Variants in KATNIP observed in about 807,000 individuals in gnomAD.
KATNIP encodes katanin interacting protein.
In KATNIP, 126 loss-of-function variants were observed where a neutral mutation model predicts 174.0. That is an observed-to-expected ratio of 0.72 (90% CI 0.63 to 0.84). KATNIP has a LOEUF of 0.84. Among genes scored for constraint, KATNIP ranks in the 40% least tolerant of loss-of-function variants. The pLI is 0.00. For synonymous variants in KATNIP, 810 were observed against 835.7 expected (o/e 0.97, Z 0.53); for missense variants, 1,958 against 2,109.7 (o/e 0.93, Z 1.41).
chr16:27,574,558 C>CTTTTT (rs10708223), intron 2 of KATNIP, among the ~76,000 whole-genome samples: 327 of 53,484 alleles, frequency 6.1e-3, no homozygotes, highest in Non-Finnish European at 6.6e-3. Context: ...ACTTTCTATT[C>CTTTTT]TTTTTTTTTT....
chr16:27,709,720 A>G (rs2079487397), intron 13 of KATNIP, among the ~76,000 whole-genome samples: 1 of 152,156 alleles, frequency 6.6e-6, no homozygotes, highest in African/African-American at 2.4e-5. Context: ...TGGTGCTGGC[A>G]GAGGCCCCAG....
intron 6 of KATNIP, among the ~76,000 whole-genome samples, chr16:27,659,373 G>A (rs1253164029): frequency 6.6e-6 from 1 of 151,976 alleles, no homozygotes; most frequent in Non-Finnish European, 1.5e-5. Flanking sequence ...AGCTGGGCAT[G>A]CTAATCTGCA....
intron 13 of KATNIP, among the ~76,000 whole-genome samples, chr16:27,720,208 C>G (rs528130134): frequency 1.3e-5 from 2 of 151,956 alleles, no homozygotes; most frequent in Non-Finnish European, 2.9e-5. Flanking sequence ...CTCCTGCCTC[C>G]GCCTCCTGAG....
chr16:27,560,391 C>G (rs541405707), intron 1 of KATNIP, among the ~76,000 whole-genome samples: 92 of 152,072 alleles, frequency 6.0e-4, no homozygotes, highest in African/African-American at 2.0e-3. Flanking sequence ...TCACGTAGCT[C>G]TGGTCCTCTA....
chr16:27,728,824 G>A (rs2080550248), intron 14 of KATNIP, among the ~76,000 whole-genome samples: 1 of 152,234 alleles, frequency 6.6e-6, no homozygotes, highest in Admixed American at 6.5e-5. Flanking sequence ...CTCAGAGCCA[G>A]CATGGAAGCT....
intron 2 of KATNIP, among the ~76,000 whole-genome samples, chr16:27,617,477 G>A (rs2076074733): frequency 6.6e-6 from 1 of 152,206 alleles, no homozygotes; most frequent in African/African-American, 2.4e-5. Context: ...GAAGCCCTAT[G>A]TTGATTGGCA....
Position 27,612,653 on chromosome 16 carries a change from G to A in KATNIP, c.64-5772G>A, listed in dbSNP as rs556998782. On this transcript the variant is annotated intron_variant, in intron 2 of 27. Transcript: ENST00000261588. Reference sequence around the variant, plus strand: ...GCATGCCTGTAATCCCAGCTACTTGGGAGGCCAAGACAGGAGAATCGCTTG... The same window carrying A: ...GCATGCCTGTAATCCCAGCTACTTGAGAGGCCAAGACAGGAGAATCGCTTG... Among the ~76,000 whole-genome samples, 74 of 152,024 alleles carry A rather than the reference G, an allele frequency of 4.9e-4. 1 individual carries two copies. The highest frequency in any genetic ancestry group is 1.0e-3 in the Admixed American group (16 of 15,250).
intron 13 of KATNIP, among the ~76,000 whole-genome samples, chr16:27,715,288 T>A (rs2079879684): frequency 1.3e-5 from 2 of 152,126 alleles, no homozygotes; most frequent in South Asian, 4.1e-4. Context: ...CAAAACTAAC[T>A]CAATGGATCA....
At chr16:27,754,375 C>A (rs533261407) in intron 18 of KATNIP, 124 bp downstream of exon 18, 1 of 785,342 alleles carries the variant, frequency 1.3e-6, no homozygotes, top group South Asian at 1.7e-5. Context: ...TACAGAGACA[C>A]CAGGCCATGG....
intron 8 of KATNIP, 31 bp downstream of exon 8, chr16:27,681,561 A>G: frequency 6.2e-7 from 1 of 1,613,416 alleles, no homozygotes; most frequent in Non-Finnish European, 8.5e-7. Context: ...TGAGCAGGGG[A>G]GCAGGGCTGC....
At chr16:27,588,044 G>T (rs1200297272) in intron 2 of KATNIP, among the ~76,000 whole-genome samples, 2 of 151,244 alleles carry the variant, frequency 1.3e-5, no homozygotes, top group South Asian at 2.1e-4. Context: ...GGCATATGCC[G>T]CCATCTCCAG....
chr16:27,775,127 C>A (rs557213778), intron 24 of KATNIP, 43 bp downstream of exon 24: 2 of 1,588,308 alleles, frequency 1.3e-6, no homozygotes, highest in Admixed American at 1.8e-5. Context: ...GGCCCTCAGG[C>A]GGGCAGGGGG....
intron 8 of KATNIP, among the ~76,000 whole-genome samples, chr16:27,686,477 T>A (rs1165873306): frequency 2.0e-5 from 3 of 152,360 alleles, no homozygotes; most frequent in Non-Finnish European, 4.4e-5. Flanking sequence ...TGTATCTTTA[T>A]ATTAAGGTTT....
chr16:27,743,685 C>G (rs755644562), intron 15 of KATNIP, among the ~76,000 whole-genome samples: 10 of 152,184 alleles, frequency 6.6e-5, no homozygotes, highest in Non-Finnish European at 1.2e-4. Flanking sequence ...AACCTCCCAA[C>G]AGACTCATTT....
At chr16:27,768,100 A>G (rs890919048) in intron 20 of KATNIP, among the ~76,000 whole-genome samples, 1 of 151,754 alleles carries the variant, frequency 6.6e-6, no homozygotes, top group African/African-American at 2.4e-5. Context: ...GGTGGGGGGG[A>G]ATGGGCACGT....
At chr16:27,755,933 G>A (rs544229798) in intron 18 of KATNIP, among the ~76,000 whole-genome samples, 3 of 152,314 alleles carry the variant, frequency 2.0e-5, no homozygotes, top group South Asian at 4.1e-4. Flanking sequence ...GTGCCCAGCC[G>A]GACATGGCTT....
chr16:27,655,862 T>TTGCTCAGAATG (rs2077264822), intron 6 of KATNIP, among the ~76,000 whole-genome samples: 1 of 152,162 alleles, frequency 6.6e-6, no homozygotes, highest in African/African-American at 2.4e-5. Flanking sequence ...TCATCTGGTT[T>TTGCTCAGAATG]TGCTCAGAAT....
chr16:27,723,516 A>T (rs549163658), intron 14 of KATNIP, among the ~76,000 whole-genome samples: 1 of 151,666 alleles, frequency 6.6e-6, no homozygotes, highest in Admixed American at 6.6e-5. Context: ...CCTCATGAAC[A>T]TGTTCCACCA....
chr16:27,754,251 T>G lies in KATNIP; in HGVS notation c.3631T>G (p.Cys1211Gly). The G allele has an allele frequency of 6.2e-7, 1 of 1,613,202 alleles. No homozygotes were observed. Among genetic ancestry groups the G allele is most frequent in the Non-Finnish European group, 8.5e-7 (1 of 1,179,120 alleles). ...AGAGCCAGGCATCTACCACGGAATC[T>G]GTGAGTAGCTCTCCTGGAGCAGTGT... Reference protein sequence around the residue: ...TPEPGIYHGICLQLNFTASWG... With the variant: ...TPEPGIYHGIGLQLNFTASWG... The change falls in exon 18 of 28, where the codon TGC becomes GGC. Residue 1211 changes from cysteine (C) to glycine (G), a missense_variant and splice_region_variant. Physicochemically the swap from Cys to Gly is radical, Grantham distance 159 (BLOSUM62 -3). Around this residue, in one of 3 missense-constraint regions of KATNIP, gnomAD observed 1,557 missense variants for 1,617.8 expected, o/e 0.96. Coordinates refer to ENST00000261588, the MANE Select transcript of KATNIP (RefSeq NM_015202.5).
Sources: allele counts gnomAD v4.1 joint callset (sites outside exome capture counted in the v4.1 genomes callset), GRCh38; gene constraint gnomAD v4.1.1; regional missense constraint gnomAD v4.1.1; transcripts MANE v1.5; gene names NCBI Gene and HGNC (gene_info 2026-07-23, HGNC 2026-07-21).